Variants in CTNNA2 observed in about 807,000 individuals in gnomAD.
The protein encoded by CTNNA2 is catenin alpha-2.
A neutral mutation model predicts 101.0 loss-of-function variants in CTNNA2; 42 were observed. The ratio of observed to expected loss-of-function variants is 0.42; its 90% CI spans 0.32 to 0.54. The LOEUF (loss-of-function observed/expected upper bound fraction) is 0.54, where lower values mean the gene tolerates loss of function less well. Ranked by LOEUF, CTNNA2 falls within the 20% of genes least tolerant of loss-of-function variation. CTNNA2 has a pLI of 0.14. For missense variants in CTNNA2, 871 were observed against 1,223.1 expected (o/e 0.71, Z 4.29); for synonymous variants, 450 against 456.4 (o/e 0.99, Z 0.18).
intron 1 of CTNNA2, among the ~76,000 whole-genome samples, chr2:79,648,987 A>G (rs1239543231): frequency 1.3e-5 from 2 of 152,174 alleles, no homozygotes; most frequent in Non-Finnish European, 2.9e-5. Flanking sequence ...GGAATAAATT[A>G]ATTTGAGTGA....
At chr2:79,600,910 A>G (rs943527389) in intron 1 of CTNNA2, among the ~76,000 whole-genome samples, 9 of 152,070 alleles carry the variant, frequency 5.9e-5, no homozygotes, top group Non-Finnish European at 1.0e-4. Context: ...CCCATTCATG[A>G]GGGCTCTATC....
At position 80,647,493 on chromosome 2, in the gene CTNNA2, A is replaced by G. The variant is rs576872415; in HGVS notation, c.2575-92A>G. ...AGCAATACTATTTATTTGCACAAGGAAAACATTATTTTAACCGTGAAAGTA... is the reference window on the plus strand; with the variant it reads ...AGCAATACTATTTATTTGCACAAGGGAAACATTATTTTAACCGTGAAAGTA... On this transcript the variant is annotated intron_variant, in intron 18 of 18. Coordinates refer to ENST00000402739, the MANE Select transcript of CTNNA2 (RefSeq NM_001282597.3). 4 of 1,135,036 alleles carry G rather than the reference A, an allele frequency of 3.5e-6. No individual in the cohort carries two copies. In the South Asian group the frequency reaches 7.1e-5, roughly 20 times the overall value. 70.3% of individuals were successfully genotyped at this position (1,135,036 alleles called of 1,614,324 possible).
intron 18 of CTNNA2, among the ~76,000 whole-genome samples, chr2:80,629,003 G>C (rs1485909623): frequency 6.6e-6 from 1 of 152,146 alleles, no homozygotes; most frequent in Non-Finnish European, 1.5e-5. Context: ...GCTGTAAAGT[G>C]AAAATGATAT....
At chr2:80,076,557 A>T (rs1408946846) in intron 7 of CTNNA2, among the ~76,000 whole-genome samples, 1 of 150,956 alleles carries the variant, frequency 6.6e-6, no homozygotes, top group East Asian at 1.9e-4. Context: ...TTCTGGGATT[A>T]CAGGCATGAG....
At chr2:79,946,140 T>A (rs575789603) in intron 7 of CTNNA2, among the ~76,000 whole-genome samples, 2 of 151,898 alleles carry the variant, frequency 1.3e-5, no homozygotes, top group East Asian at 3.9e-4. Context: ...AGTCTAATGC[T>A]CTCCCCTCCC....
At chr2:79,721,416 A>AT (rs1462409833) in intron 2 of CTNNA2, among the ~76,000 whole-genome samples, 1 of 152,200 alleles carries the variant, frequency 6.6e-6, no homozygotes, top group Admixed American at 6.5e-5. Context: ...CACCAGTCCT[A>AT]AAATGGGGGC....
intron 9 of CTNNA2, among the ~76,000 whole-genome samples, chr2:80,462,631 C>CTTTTTTTTTTTTTTTTTTTTTTTTTT (rs753815778): frequency 2.1e-5 from 2 of 94,774 alleles, no homozygotes; most frequent in Non-Finnish European, 1.9e-5. Flanking sequence ...TTCTTTCTTT[C>CTTTTTTTTTTTTTTTTTTTTTTTTTT]TTTTTTTTTT....
At chr2:80,635,971 C>CTTTTTTTTTTTTTTTTTT (rs60757492) in intron 18 of CTNNA2, among the ~76,000 whole-genome samples, 1 of 115,652 alleles carries the variant, frequency 8.6e-6, no homozygotes, top group Non-Finnish European at 1.7e-5. Flanking sequence ...ATGCCCATTG[C>CTTTTTTTTTTTTTTTTTT]TTTTTTTTTT....
intron 16 of CTNNA2, among the ~76,000 whole-genome samples, chr2:80,606,994 C>T (rs562282788): frequency 2.4e-4 from 36 of 151,894 alleles, no homozygotes; most frequent in African/African-American, 8.4e-4. Context: ...CTGTGGAATT[C>T]TTTCTTGATA....
At chr2:79,563,042 CATT>C (rs997278424) in intron 1 of CTNNA2, among the ~76,000 whole-genome samples, 1 of 151,670 alleles carries the variant, frequency 6.6e-6, no homozygotes, top group African/African-American at 2.4e-5. Flanking sequence ...GTATTCATGG[CATT>C]ATGATAGCTA....
chr2:80,579,891 C>A (rs912682893), intron 13 of CTNNA2, among the ~76,000 whole-genome samples: 5 of 152,176 alleles, frequency 3.3e-5, no homozygotes, highest in Non-Finnish European at 7.3e-5. Flanking sequence ...GGGGAATGGG[C>A]AACTACATCA....
At chr2:79,447,037 G>A (rs1362012132) in intron 4 of CTNNA2, among the ~76,000 whole-genome samples, 3 of 152,098 alleles carry the variant, frequency 2.0e-5, no homozygotes, top group South Asian at 4.1e-4. Flanking sequence ...ATAAAAGAAA[G>A]AGCCAGTGTA....
chr2:79,761,711 A>C (rs563367524), intron 3 of CTNNA2, among the ~76,000 whole-genome samples: 70 of 152,314 alleles, frequency 4.6e-4, no homozygotes, highest in African/African-American at 1.6e-3. Flanking sequence ...ATTCATTAGA[A>C]TATGATCTTT....
At chr2:79,440,718 A>C (rs1263178842) in intron 4 of CTNNA2, among the ~76,000 whole-genome samples, 2 of 152,134 alleles carry the variant, frequency 1.3e-5, no homozygotes, top group Non-Finnish European at 1.5e-5. Context: ...CCTAGTCTGA[A>C]GAGTGAATGT....
At chr2:80,003,664 G>A (rs886692155) in intron 7 of CTNNA2, among the ~76,000 whole-genome samples, 11 of 152,130 alleles carry the variant, frequency 7.2e-5, no homozygotes, top group African/African-American at 2.7e-4. Flanking sequence ...ACTCTGCAAG[G>A]CCCAGTAAAA....
chr2:79,766,256 C>T (rs1673148319), intron 3 of CTNNA2, among the ~76,000 whole-genome samples: 1 of 152,070 alleles, frequency 6.6e-6, no homozygotes, highest in African/African-American at 2.4e-5. Context: ...CTGGAAAATT[C>T]TTTATTTCTC....
chr2:79,930,264 A>AAGAGAGAAAG (rs765491715), intron 7 of CTNNA2, among the ~76,000 whole-genome samples: 1 of 128,114 alleles, frequency 7.8e-6, no homozygotes, highest in Non-Finnish European at 1.6e-5. Context: ...GAAAGAAAGA[A>AAGAGAGAAAG]AGAAAGAAAG....
chr2:80,227,928 G>C (rs1708982104), intron 7 of CTNNA2, among the ~76,000 whole-genome samples: 1 of 152,088 alleles, frequency 6.6e-6, no homozygotes, highest in South Asian at 2.1e-4. Flanking sequence ...ATATGGGGAA[G>C]TGTGGACAAA....
At chr2:80,155,577 G>A (rs1275678334) in intron 7 of CTNNA2, among the ~76,000 whole-genome samples, 1 of 151,856 alleles carries the variant, frequency 6.6e-6, no homozygotes, top group East Asian at 1.9e-4. Context: ...ATGCTGACCT[G>A]TAGAGTATTG....
Sources: allele counts gnomAD v4.1 joint callset (sites outside exome capture counted in the v4.1 genomes callset), GRCh38; gene constraint gnomAD v4.1.1; transcripts MANE v1.5; gene names NCBI Gene and HGNC (gene_info 2026-07-23, HGNC 2026-07-21).